GLIPR2: variants seen among roughly 807,000 people sequenced by gnomAD.
GLIPR2 encodes the protein Golgi-associated plant pathogenesis-related protein 1.
GLIPR2 carries 21 observed loss-of-function variants against 20.4 expected under a neutral mutation model. That is an observed-to-expected ratio of 1.03 (90% CI 0.73 to 1.48). The LOEUF (loss-of-function observed/expected upper bound fraction) is 1.48. Ranked by LOEUF, GLIPR2 falls within the 40% of genes most tolerant of loss-of-function variation. The probability of loss-of-function intolerance (pLI) is 0.00; values close to 1 mark genes in which losing one functional copy is unlikely to be tolerated. For missense variants in GLIPR2, 205 were observed against 200.1 expected, an observed-to-expected ratio of 1.02 and a Z score of -0.15; for synonymous variants, 91 against 80.5, an observed-to-expected ratio of 1.13 and a Z score of -0.70.
At position 36,163,451 on chromosome 9, in the gene GLIPR2, C is replaced by T. The variant is rs1301872273; in HGVS notation, c.*929C>T. 1 of 154,830 alleles carries T rather than the reference C, an allele frequency of 6.5e-6. No homozygotes were observed. 9.6% of individuals were successfully genotyped at this position (154,830 alleles called of 1,614,324 possible). Reference sequence around the variant, plus strand: ...CTTACTCAGGGCCCCCAGAGGAAGCCCTCAGCCTCTGCCCTCCCCCCACAC... The same window carrying T: ...CTTACTCAGGGCCCCCAGAGGAAGCTCTCAGCCTCTGCCCTCCCCCCACAC... On this transcript the variant is annotated 3_prime_UTR_variant, in exon 5 of 5. Transcript: ENST00000377960.
At chr9:36,148,308 TATAACCACACTTGA>T (rs1825429920) in intron 2 of GLIPR2, among the ~76,000 whole-genome samples, 1 of 151,566 alleles carries the variant, frequency 6.6e-6, no homozygotes, top group Non-Finnish European at 1.5e-5. Context: ...TGGGATCAGA[TATAACCACACTTGA>T]ATAACCACTC....
intron 4 of GLIPR2, among the ~76,000 whole-genome samples, chr9:36,160,689 C>T (rs76705873): frequency 5.9e-5 from 9 of 152,016 alleles, no homozygotes; most frequent in Admixed American, 2.6e-4. Flanking sequence ...CATTGGGGAG[C>T]GAGTGAAGGA....
At chr9:36,156,647 A>C (rs1825846673) in intron 4 of GLIPR2, among the ~76,000 whole-genome samples, 1 of 152,158 alleles carries the variant, frequency 6.6e-6, no homozygotes, top group Non-Finnish European at 1.5e-5. Flanking sequence ...GCCGCACAGC[A>C]GGAGGTGAGC....
intron 1 of GLIPR2, among the ~76,000 whole-genome samples, chr9:36,144,026 C>G (rs1825209909): frequency 6.6e-6 from 1 of 152,138 alleles, no homozygotes; most frequent in South Asian, 2.1e-4. Context: ...CTTCCAGCCT[C>G]AACACACCTC....
At chr9:36,146,514 C>T (rs573732253) in intron 1 of GLIPR2, among the ~76,000 whole-genome samples, 1 of 152,266 alleles carries the variant, frequency 6.6e-6, no homozygotes, top group East Asian at 1.9e-4. Flanking sequence ...AAATTAGATA[C>T]AGGTGAGAGT....
intron 1 of GLIPR2, among the ~76,000 whole-genome samples, chr9:36,141,609 A>G (rs1825085253): frequency 6.6e-6 from 1 of 152,156 alleles, no homozygotes; most frequent in African/African-American, 2.4e-5. Context: ...TGTCTCAGCC[A>G]AAAGTTTAAA....
At chr9:36,160,917 C>A (rs1826025763) in intron 4 of GLIPR2, among the ~76,000 whole-genome samples, 1 of 151,986 alleles carries the variant, frequency 6.6e-6, no homozygotes, top group Admixed American at 6.6e-5. Flanking sequence ...GTGGCACACA[C>A]CTGTAGTCCC....
chr9:36,162,310 C>T (rs1364674804), intron 4 of GLIPR2, 52 bp from the exon 5 acceptor site: 1 of 1,599,606 alleles, frequency 6.3e-7, no homozygotes, highest in African/African-American at 1.3e-5. Flanking sequence ...CATCCTTCTT[C>T]AGGCTCTGCT....
chr9:36,160,586 ATG>A (rs1188959643), intron 4 of GLIPR2, among the ~76,000 whole-genome samples: 1 of 152,136 alleles, frequency 6.6e-6, no homozygotes, highest in Non-Finnish European at 1.5e-5. Flanking sequence ...AAGAAAAAAA[ATG>A]TGCAAGGGTT....
In GLIPR2 at chr9:36,162,188, A is replaced by G. The variant is rs1183010677; in HGVS notation, c.305-174A>G. 5 of 1,489,806 alleles carry G rather than the reference A, an allele frequency of 3.4e-6. No homozygotes were observed. The African/African-American group carries it at 4.2e-5, about 13-fold the overall frequency. The allele number at this position is 1,489,806 out of a possible 1,614,324, so 92.3% of individuals were successfully genotyped here. A position where few individuals can be genotyped will look rare whatever the true frequency, so the allele number is the denominator to read the frequency against. On this transcript the variant is annotated intron_variant, in intron 4 of 4. Transcript: ENST00000377960. ...AGACTCCATCTTGGGGGAAAAAAAA[A>G]GAAGTCAGGCAGTCAGAGTGTTTTC...
At chr9:36,140,880 C>T (rs577707324) in intron 1 of GLIPR2, among the ~76,000 whole-genome samples, 5 of 152,230 alleles carry the variant, frequency 3.3e-5, no homozygotes, top group Non-Finnish European at 7.4e-5. Context: ...GTCCCGCCTT[C>T]GCTGTGCTGG....
In GLIPR2 at chr9:36,136,763, G is replaced by A. The variant is rs905510896; in HGVS notation, c.-16G>A. ...GCAGCGCAGCCGCGGGGAGCGAGGA[G>A]CGCGCGGAGCCGGCCATGGGCAAGT... On this transcript the variant is annotated 5_prime_UTR_variant, in exon 1 of 5. Coordinates refer to ENST00000377960, the MANE Select transcript of GLIPR2 (RefSeq NM_022343.4). This position sits in a 1 kb window ranked among gnomAD's most constrained non-coding sequence, Gnocchi z 4.3. The A allele has an allele frequency of 1.6e-6, 2 of 1,289,126 alleles. No homozygotes were observed. The highest frequency in any genetic ancestry group is 2.0e-6 in the Non-Finnish European group (2 of 1,020,934). 79.9% of individuals were successfully genotyped at this position (1,289,126 alleles called of 1,614,324 possible).
chr9:36,162,358 A>T lies in GLIPR2; in HGVS notation c.305-4A>T. Reference sequence around the variant, plus strand: ...TCCCTCTCCCTCTGCCCGTTCCCCTACAGGACACTTCACGGCCATGGTATG... The same window carrying T: ...TCCCTCTCCCTCTGCCCGTTCCCCTTCAGGACACTTCACGGCCATGGTATG... On this transcript the variant is annotated splice_region_variant and splice_polypyrimidine_tract_variant and intron_variant, in intron 4 of 4. Transcript: ENST00000377960. The T allele has an allele frequency of 6.2e-7, 1 of 1,610,582 alleles. No homozygotes were observed. The highest frequency in any genetic ancestry group is 8.5e-7 in the Non-Finnish European group (1 of 1,178,078).
chr9:36,162,158 G>C (rs1170592372), intron 4 of GLIPR2: 1 of 1,316,346 alleles, frequency 7.6e-7, no homozygotes, highest in East Asian at 2.8e-5. Flanking sequence ...CTGGGTTACA[G>C]AGCGAGACTC....
chr9:36,154,207 A>G (rs778110982), intron 4 of GLIPR2, among the ~76,000 whole-genome samples: 5 of 148,400 alleles, frequency 3.4e-5, no homozygotes, highest in Non-Finnish European at 7.4e-5. Context: ...CGATTCTCCC[A>G]CCTTAGCCTC....
intron 1 of GLIPR2, chr9:36,145,022 GAAGA>G (rs1825263294): frequency 6.6e-6 from 1 of 152,408 alleles, no homozygotes; most frequent in South Asian, 2.1e-4. Context: ...CAGCAGAGTA[GAAGA>G]AAGGCACCAG....
chr9:36,158,386 A>T (rs1825926377), intron 4 of GLIPR2, among the ~76,000 whole-genome samples: 1 of 152,106 alleles, frequency 6.6e-6, no homozygotes, highest in Non-Finnish European at 1.5e-5. Context: ...TCTGTTTTTC[A>T]TAGTAACCAT....
intron 4 of GLIPR2, among the ~76,000 whole-genome samples, chr9:36,160,173 A>G (rs1825995140): frequency 6.6e-6 from 1 of 151,950 alleles, no homozygotes; most frequent in Admixed American, 6.6e-5. Flanking sequence ...ACAGGCATGC[A>G]CCACCATGCC....
chr9:36,139,629 C>T (rs1824984802), intron 1 of GLIPR2, among the ~76,000 whole-genome samples: 1 of 152,180 alleles, frequency 6.6e-6, no homozygotes. Context: ...GGAATCTGTC[C>T]CTGCCCCTTC....
Sources: allele counts gnomAD v4.1 joint callset (sites outside exome capture counted in the v4.1 genomes callset), GRCh38; gene constraint gnomAD v4.1.1; non-coding constraint Gnocchi (gnomAD v3.1); transcripts MANE v1.5; gene names NCBI Gene and HGNC (gene_info 2026-07-23, HGNC 2026-07-21).